Variants in TNS3 observed in about 807,000 individuals in gnomAD.
TNS3 encodes tensin-3.
TNS3 carries 45 observed loss-of-function variants against 140.9 expected under a neutral mutation model. The ratio of observed to expected loss-of-function variants is 0.32; its 90% CI spans 0.25 to 0.41. The LOEUF (loss-of-function observed/expected upper bound fraction) is 0.41, where lower values mean the gene tolerates loss of function less well. TNS3 is among the 10% of genes least tolerant of loss of function. The pLI, the probability that TNS3 is intolerant of heterozygous loss-of-function variation, is 1.00. For missense variants in TNS3, 1,716 were observed against 1,906.7 expected (o/e 0.90, Z 1.86); for synonymous variants, 815 against 788.4 (o/e 1.03, Z -0.56).
At chr7:47,388,540 G>A (rs1281701879) in intron 16 of TNS3, among the ~76,000 whole-genome samples, 3 of 152,154 alleles carry the variant, frequency 2.0e-5, no homozygotes, top group African/African-American at 2.4e-5. Context: ...AGTGAAAAGA[G>A]ATTAAGAAGC....
chr7:47,316,257 G>A (rs1017313072), intron 20 of TNS3, among the ~76,000 whole-genome samples: 2 of 151,816 alleles, frequency 1.3e-5, no homozygotes, highest in African/African-American at 2.4e-5. Context: ...CAAATCTCTC[G>A]TATCCTTCTT....
At chr7:47,317,552 A>G (rs1244858494) in intron 20 of TNS3, among the ~76,000 whole-genome samples, 1 of 152,242 alleles carries the variant, frequency 6.6e-6, no homozygotes, top group Admixed American at 6.5e-5. Flanking sequence ...TTTCCCAAGC[A>G]GTTTTTACAC....
intron 16 of TNS3, among the ~76,000 whole-genome samples, chr7:47,380,909 G>A (rs1791717033): frequency 6.6e-6 from 1 of 152,208 alleles, no homozygotes; most frequent in African/African-American, 2.4e-5. Context: ...GAGGAGGGCG[G>A]GGGCGTGCCA....
At chr7:47,340,119 T>TATATATATAA (rs1788907705) in intron 20 of TNS3, among the ~76,000 whole-genome samples, 1 of 51,016 alleles carries the variant, frequency 2.0e-5, no homozygotes, top group Non-Finnish European at 4.4e-5. Context: ...ATATATATTT[T>TATATATATAA]TTTTTTTTTT....
intron 20 of TNS3, among the ~76,000 whole-genome samples, chr7:47,338,608 T>C (rs1259977893): frequency 1.3e-5 from 2 of 152,214 alleles, no homozygotes; most frequent in South Asian, 2.1e-4. Context: ...ATTCAGGGGA[T>C]ACTGAATTTG....
In TNS3 at chr7:47,389,065, A is replaced by G. The variant is rs867587840; in HGVS notation, c.1024+7735T>C. ...AAGAAGAAGAAGAAGAAGAAGAAGA[A>G]GAAGAAGAAGAAGAAGAAGAGGAAG... is the stretch of plus-strand genomic sequence containing the variant. On this transcript the variant is annotated intron_variant, in intron 16 of 30. Coordinates refer to ENST00000311160, the MANE Select transcript of TNS3 (RefSeq NM_022748.12). 3.8e-3 allele frequency among the ~76,000 whole-genome samples: 172 copies of G among 44,768 alleles called. 31 individuals are homozygous for G. The highest frequency in any genetic ancestry group is 0.012 in the African/African-American group (140 of 11,326). 29.4% of individuals were successfully genotyped at this position (44,768 alleles called of 152,430 possible).
At chr7:47,322,306 G>A (rs1337681025) in intron 20 of TNS3, among the ~76,000 whole-genome samples, 7 of 150,042 alleles carry the variant, frequency 4.7e-5, no homozygotes, top group African/African-American at 7.4e-5. Context: ...GGCGGATCAC[G>A]AGGTCAGGAA....
intron 4 of TNS3, among the ~76,000 whole-genome samples, chr7:47,471,885 A>G (rs1796969518): frequency 6.6e-6 from 1 of 152,210 alleles, no homozygotes; most frequent in African/African-American, 2.4e-5. Flanking sequence ...GATGCACCCC[A>G]TTGTATTAAT....
chr7:47,538,978 C>T (rs1187267920), intron 1 of TNS3: 1 of 455,962 alleles, frequency 2.2e-6, no homozygotes, highest in African/African-American at 2.0e-5. Flanking sequence ...AGGTACATAG[C>T]AGTGCCTACA....
rs146933220 is a variant in TNS3, at chr7:47,570,138, G to A, written c.-265+11913C>T. On this transcript the variant is annotated intron_variant, in intron 1 of 30. Transcript: ENST00000311160. Reference sequence around the variant, plus strand: ...GCACTCCAGCCTGGGCGACAAGAGCGAGACTCCGTCTCAATAAAAAGAAAA... The same window carrying A: ...GCACTCCAGCCTGGGCGACAAGAGCAAGACTCCGTCTCAATAAAAAGAAAA... Among the ~76,000 whole-genome samples, 1,387 of 152,356 alleles carry A rather than the reference G, an allele frequency of 9.1e-3. 7 individuals are homozygous for A. The highest frequency in any genetic ancestry group is 0.014 in the Non-Finnish European group (942 of 68,034).
At chr7:47,380,051 C>T (rs1320336479) in intron 16 of TNS3, among the ~76,000 whole-genome samples, 1 of 152,252 alleles carries the variant, frequency 6.6e-6, no homozygotes, top group East Asian at 1.9e-4. Flanking sequence ...AGAGCAGGAG[C>T]GACTCAGGAG....
intron 4 of TNS3, among the ~76,000 whole-genome samples, chr7:47,445,409 G>A (rs1215030729): frequency 6.6e-6 from 1 of 152,194 alleles, no homozygotes; most frequent in East Asian, 1.9e-4. Flanking sequence ...GGGCGGACGT[G>A]TTGGAATCCC....
intron 16 of TNS3, among the ~76,000 whole-genome samples, chr7:47,386,301 C>T (rs1298290375): frequency 6.6e-6 from 1 of 152,228 alleles, no homozygotes; most frequent in Non-Finnish European, 1.5e-5. Context: ...AGGCGGAGCG[C>T]ACACAGGACA....
intron 1 of TNS3, among the ~76,000 whole-genome samples, chr7:47,577,010 T>C (rs980414654): frequency 2.6e-5 from 4 of 152,220 alleles, no homozygotes; most frequent in Non-Finnish European, 4.4e-5. Flanking sequence ...TCTCTACTTT[T>C]CAGGAGCAGT....
At chr7:47,386,279 ACAGGCAGGTG>A in intron 16 of TNS3, among the ~76,000 whole-genome samples, 1 of 152,212 alleles carries the variant, frequency 6.6e-6, no homozygotes, top group Non-Finnish European at 1.5e-5. Flanking sequence ...CACATCCACA[ACAGGCAGGTG>A]CAGGCGGAGC....
chr7:47,501,769 G>A (rs1035221643), intron 3 of TNS3, among the ~76,000 whole-genome samples: 2 of 152,176 alleles, frequency 1.3e-5, no homozygotes, highest in African/African-American at 4.8e-5. Flanking sequence ...TGTCTCGTGG[G>A]AGGACTGGGA....
intron 2 of TNS3, among the ~76,000 whole-genome samples, chr7:47,524,360 C>T (rs1799099890): frequency 1.3e-5 from 2 of 152,260 alleles, no homozygotes; most frequent in South Asian, 4.1e-4. Context: ...CTTGACCCCA[C>T]ATCCTGATCT....
chr7:47,373,060 G>A (rs1338691794), intron 16 of TNS3, among the ~76,000 whole-genome samples: 1 of 152,172 alleles, frequency 6.6e-6, no homozygotes, highest in Non-Finnish European at 1.5e-5. Flanking sequence ...GTGGGGGCAG[G>A]AGAGTCAGCC....
chr7:47,560,858 A>C (rs1470665179), intron 1 of TNS3, among the ~76,000 whole-genome samples: 1 of 152,172 alleles, frequency 6.6e-6, no homozygotes, highest in Non-Finnish European at 1.5e-5. Context: ...ACAGGCTGTA[A>C]TCCCCAAGCA....
Sources: gnomAD v4.1 joint callset for allele counts (sites outside exome capture counted in the v4.1 genomes callset) on GRCh38, gnomAD v4.1.1 for gene constraint, MANE v1.5 for transcripts, NCBI Gene and HGNC (gene_info 2026-07-23, HGNC 2026-07-21) for gene names.